The following ITPR2 variants were observed in gnomAD, a reference collection of about 807,000 sequenced individuals.
ITPR2 encodes inositol 1,4,5-trisphosphate-gated calcium channel ITPR2.
In ITPR2, 207 loss-of-function variants were observed where a neutral mutation model predicts 317.1. The observed-to-expected ratio is 0.65, with a 90% CI of 0.58 to 0.73. ITPR2 has a LOEUF of 0.73. Ranked by LOEUF, ITPR2 falls within the 30% of genes least tolerant of loss-of-function variation. ITPR2 has a pLI of 0.00. For missense variants in ITPR2, 2,613 were observed against 3,284.0 expected, an observed-to-expected ratio of 0.80 and a Z score of 4.99; for synonymous variants, 1,156 against 1,149.1, an observed-to-expected ratio of 1.01 and a Z score of -0.12.
Position 26,336,750 on chromosome 12 carries a change from T to C in ITPR2, c.*2647A>G, listed in dbSNP as rs117636752. ...CTAAATATTTTTTCAAAATCTCCCT[T>C]AACATCAAAGTTCAAGATGATTGCA... On this transcript the variant is annotated 3_prime_UTR_variant, in exon 57 of 57. Transcript: ENST00000381340. The C allele has an allele frequency of 2.4e-4, 36 of 152,298 alleles. 1 individual carries two copies. The East Asian group carries it at 6.9e-3, about 29-fold the overall frequency. The allele number at this position is 152,298 out of a possible 1,614,324, so 9.4% of individuals were successfully genotyped here.
chr12:26,629,738 CTCTTTT>C (rs1946705808), intron 22 of ITPR2, among the ~76,000 whole-genome samples: 1 of 152,060 alleles, frequency 6.6e-6, no homozygotes, highest in African/African-American at 2.4e-5. Context: ...CTTTCTCTTT[CTCTTTT>C]TCTCTCTCTC....
chr12:26,523,418 A>T (rs1355176459), intron 37 of ITPR2, among the ~76,000 whole-genome samples: 3 of 152,126 alleles, frequency 2.0e-5, no homozygotes, highest in Non-Finnish European at 4.4e-5. Context: ...CCCCCCACCA[A>T]ATTATCACTG....
intron 13 of ITPR2, among the ~76,000 whole-genome samples, chr12:26,671,798 G>C (rs1947778968): frequency 6.6e-6 from 1 of 152,152 alleles, no homozygotes; most frequent in Non-Finnish European, 1.5e-5. Flanking sequence ...CTGTATTCAG[G>C]CAACCTATCT....
chr12:26,372,792 C>T (rs1306483825), intron 55 of ITPR2, among the ~76,000 whole-genome samples: 1 of 152,176 alleles, frequency 6.6e-6, no homozygotes, highest in African/African-American at 2.4e-5. Flanking sequence ...GGGTTTAGTG[C>T]TTCCAAATGG....
chr12:26,708,927 T>G (rs774534988), intron 9 of ITPR2, among the ~76,000 whole-genome samples: 1 of 152,078 alleles, frequency 6.6e-6, no homozygotes, highest in Non-Finnish European at 1.5e-5. Flanking sequence ...AAGAAAGAAA[T>G]AAAGACCTGG....
intron 21 of ITPR2, among the ~76,000 whole-genome samples, chr12:26,632,350 GT>G (rs1946774132): frequency 6.6e-6 from 1 of 152,174 alleles, no homozygotes; most frequent in Admixed American, 6.5e-5. Context: ...AGGTCCTTCT[GT>G]AACACAGTAT....
At chr12:26,592,003 C>A (rs1565625895) in intron 32 of ITPR2, among the ~76,000 whole-genome samples, 1 of 152,114 alleles carries the variant, frequency 6.6e-6, no homozygotes, top group Non-Finnish European at 1.5e-5. Flanking sequence ...ACCTTAAGTG[C>A]CCATCAACAG....
At chr12:26,559,929 T>A (rs1944767250) in intron 35 of ITPR2, among the ~76,000 whole-genome samples, 2 of 152,202 alleles carry the variant, frequency 1.3e-5, no homozygotes, top group East Asian at 1.9e-4. Flanking sequence ...CACCATGCTG[T>A]TACTCTGTTC....
At chr12:26,437,992 AG>A (rs1173630595) in intron 47 of ITPR2, among the ~76,000 whole-genome samples, 2 of 151,958 alleles carry the variant, frequency 1.3e-5, no homozygotes, top group Non-Finnish European at 2.9e-5. Context: ...TGGTAGAGAC[AG>A]GGTTTCACTG....
chr12:26,718,943 C>A (rs1948788116), intron 5 of ITPR2, among the ~76,000 whole-genome samples: 1 of 152,092 alleles, frequency 6.6e-6, no homozygotes, highest in South Asian at 2.1e-4. Flanking sequence ...ATCATATAGC[C>A]AAAATGTTCC....
chr12:26,387,687 A>T, intron 54 of ITPR2, 93 bp from the exon 55 acceptor site: 1 of 1,241,764 alleles, frequency 8.1e-7, no homozygotes, highest in Non-Finnish European at 1.1e-6. Context: ...TTATTGTGAA[A>T]AAAATGCTTT....
intron 45 of ITPR2, among the ~76,000 whole-genome samples, chr12:26,445,361 T>A (rs10842733): frequency 0.62 from 94,143 of 151,814 alleles, 31,289 homozygotes; most frequent in Non-Finnish European, 0.74. Flanking sequence ...CATGGAGGGG[T>A]CGTCAGTATA....
intron 1 of ITPR2, among the ~76,000 whole-genome samples, chr12:26,827,847 T>C (rs1951031689): frequency 6.6e-6 from 1 of 152,232 alleles, no homozygotes; most frequent in South Asian, 2.1e-4. Context: ...GTTTTTAATA[T>C]GACAGTGGAA....
chr12:26,521,684 G>T (rs1030702635), intron 37 of ITPR2, among the ~76,000 whole-genome samples: 1 of 152,058 alleles, frequency 6.6e-6, no homozygotes, highest in Non-Finnish European at 1.5e-5. Flanking sequence ...AGATGCTCAG[G>T]GAGTCCCATC....
intron 13 of ITPR2, among the ~76,000 whole-genome samples, chr12:26,670,716 T>C (rs10842771): frequency 0.22 from 33,165 of 151,984 alleles, 4,320 homozygotes; most frequent in African/African-American, 0.36. Flanking sequence ...CTTTTACGAG[T>C]TGAGAGAAGA....
At chr12:26,603,478 C>T (rs4439605) in intron 26 of ITPR2, among the ~76,000 whole-genome samples, 96,118 of 151,950 alleles carry the variant, frequency 0.63, 31,679 homozygotes, top group Non-Finnish European at 0.74. Flanking sequence ...TTTATGAAGA[C>T]GTCATGCACA....
intron 1 of ITPR2, among the ~76,000 whole-genome samples, chr12:26,811,595 G>A (rs1346177832): frequency 2.6e-5 from 4 of 151,734 alleles, no homozygotes; most frequent in African/African-American, 2.4e-5. Flanking sequence ...GGTGAGGCAG[G>A]AGAATGGCAT....
intron 55 of ITPR2, among the ~76,000 whole-genome samples, chr12:26,361,730 AT>A (rs1938837274): frequency 1.3e-5 from 2 of 152,272 alleles, no homozygotes; most frequent in Admixed American, 1.3e-4. Flanking sequence ...CCAAAGGAAC[AT>A]TGAAAACGTG....
intron 21 of ITPR2, among the ~76,000 whole-genome samples, chr12:26,635,168 A>G (rs1003882470): frequency 6.6e-6 from 1 of 152,182 alleles, no homozygotes; most frequent in African/African-American, 2.4e-5. Flanking sequence ...ACCTAACACT[A>G]CAGCTGTGCT....
Sources: allele counts gnomAD v4.1 joint callset (sites outside exome capture counted in the v4.1 genomes callset), GRCh38; gene constraint gnomAD v4.1.1; transcripts MANE v1.5; gene names NCBI Gene and HGNC (gene_info 2026-07-23, HGNC 2026-07-21).